The following CLCN6 variants were observed in gnomAD, a reference collection of about 807,000 sequenced individuals.
CLCN6 encodes the protein H(+)/Cl(-) exchange transporter 6.
In CLCN6, 70 loss-of-function variants were observed where a neutral mutation model predicts 109.8. That is an observed-to-expected ratio of 0.64 (90% CI 0.53 to 0.78). CLCN6 has a LOEUF of 0.78. Ranked by LOEUF, CLCN6 falls within the 30% of genes least tolerant of loss-of-function variation. The probability of loss-of-function intolerance (pLI) is 0.00; values close to 1 mark genes in which losing one functional copy is unlikely to be tolerated. For missense variants in CLCN6, 984 were observed against 1,142.3 expected (o/e 0.86, Z 2.00); for synonymous variants, 444 against 447.8 (o/e 0.99, Z 0.11).
At chr1:11,817,780 A>C (rs909025106) in intron 4 of CLCN6, among the ~76,000 whole-genome samples, 1 of 152,194 alleles carries the variant, frequency 6.6e-6, no homozygotes, top group Non-Finnish European at 1.5e-5. Context: ...TGTTCGGTAT[A>C]ATATAGCCAC....
chr1:11,826,775 AGTGATCGTGCC>A (rs1225734502), intron 9 of CLCN6, among the ~76,000 whole-genome samples: 5 of 152,206 alleles, frequency 3.3e-5, no homozygotes. Flanking sequence ...ATGGTGCAGC[AGTGATCGTGCC>A]GATCTTTGAT....
intron 5 of CLCN6, chr1:11,820,679 A>AC: frequency 3.6e-6 from 1 of 274,232 alleles, no homozygotes. Flanking sequence ...AGGCAGGAGA[A>AC]TGGCATGAAC....
rs1301753339 is a variant in CLCN6, at chr1:11,827,370, C to T, written c.840+149C>T. On this transcript the variant is annotated intron_variant, in intron 10 of 22. Coordinates refer to ENST00000346436, the MANE Select transcript of CLCN6 (RefSeq NM_001286.5). ...TCCTCTTGTGCCCATAACCTCCACA[C>T]TGGACTTTCTGTACTTCTCATATCA... The T allele has an allele frequency of 4.3e-6, 3 of 697,158 alleles. No individual in the cohort carries two copies. The African/African-American group carries it at 5.5e-5, about 13-fold the overall frequency. The allele number at this position is 697,158 out of a possible 1,614,324, so 43.2% of individuals were successfully genotyped here.
chr1:11,836,334 C>T (rs892594239), intron 18 of CLCN6, among the ~76,000 whole-genome samples, 181 bp downstream of exon 18: 2 of 152,078 alleles, frequency 1.3e-5, no homozygotes, highest in Non-Finnish European at 2.9e-5. Flanking sequence ...TTTATCAGGC[C>T]GTGAAGATGT....
In CLCN6 at chr1:11,836,023, G is replaced by T. The variant is rs1047108702; in HGVS notation, c.1850G>T (p.Arg617Leu). 4 of 1,613,686 alleles carry T rather than the reference G, an allele frequency of 2.5e-6. No individual in the cohort carries two copies. The highest frequency in any genetic ancestry group is 2.5e-6 in the Non-Finnish European group (3 of 1,179,940). The change falls in exon 18 of 23, where the codon CGC becomes CTC. Residue 617 changes from arginine to leucine, a missense_variant. By Grantham distance (102) the Arg-to-Leu change is moderately radical. Transcript: ENST00000346436. ...CTGACCTACGTCTACCCGCACACCC[G>T]CATCCAGTCTCTGGTGAGCATCCTG... ...PNLTYVYPHTRIQSLVSILRT... is the reference protein window; with the variant it reads ...PNLTYVYPHTLIQSLVSILRT...
chr1:11,807,642 G>A (rs1291257151), intron 2 of CLCN6, among the ~76,000 whole-genome samples: 1 of 152,224 alleles, frequency 6.6e-6, no homozygotes, highest in African/African-American at 2.4e-5. Context: ...CACCTTTCAT[G>A]TATGGGATTC....
At chr1:11,810,179 C>A (rs1644580182) in intron 2 of CLCN6, among the ~76,000 whole-genome samples, 1 of 152,168 alleles carries the variant, frequency 6.6e-6, no homozygotes, top group South Asian at 2.1e-4. Flanking sequence ...AGTGCCCCTT[C>A]TTCCTGTCTC....
intron 2 of CLCN6, 33 bp from the exon 3 acceptor site, chr1:11,815,813 A>C: frequency 1.3e-6 from 2 of 1,584,684 alleles, no homozygotes; most frequent in South Asian, 1.1e-5. Context: ...CTCACCTGAC[A>C]TGACCTTTTG....
chr1:11,808,763 C>T (rs571619488), intron 2 of CLCN6, among the ~76,000 whole-genome samples: 1 of 151,212 alleles, frequency 6.6e-6, no homozygotes, highest in African/African-American at 2.4e-5. Context: ...CATTTGGAGC[C>T]GTTTGTATAG....
Position 11,834,237 on chromosome 1 carries a change from T to C in CLCN6, c.1528T>C (p.Tyr510His). The C allele has an allele frequency of 6.2e-7, 1 of 1,611,676 alleles. No individual in the cohort carries two copies. The highest frequency in any genetic ancestry group is 1.1e-5 in the South Asian group (1 of 90,948). The change falls in exon 16 of 23, where the codon TAC (tyrosine) becomes CAC (histidine). Residue 510 changes from tyrosine (Y) to histidine (H), a missense_variant and splice_region_variant. Coordinates refer to ENST00000346436, the MANE Select transcript of CLCN6 (RefSeq NM_001286.5). This position sits in a 1 kb window ranked among gnomAD's most constrained non-coding sequence, Gnocchi z 4.5. ...GRLVANVLKS[Y>H]IGLGHIYSGT... ...GTTCTCGGTGTTTTCCTTCACTAGCTACATTGGATTGGGCCACATCTATTC... is the reference window on the plus strand; with the variant it reads ...GTTCTCGGTGTTTTCCTTCACTAGCCACATTGGATTGGGCCACATCTATTC...
At chr1:11,828,951 G>C (rs1289620690) in intron 12 of CLCN6, among the ~76,000 whole-genome samples, 1 of 152,216 alleles carries the variant, frequency 6.6e-6, no homozygotes, top group African/African-American at 2.4e-5. Flanking sequence ...ATAATGGAAA[G>C]CCATTCATTC....
chr1:11,841,011 C>G lies in CLCN6; in HGVS notation c.*788C>G. On this transcript the variant is annotated 3_prime_UTR_variant, in exon 23 of 23. Coordinates refer to ENST00000346436, the MANE Select transcript of CLCN6 (RefSeq NM_001286.5). ...CCAGTAACACGTTTCTACCCAGATC[C>G]TTTTTCATTTCCTTAAGTTTTGATC... 6.6e-6 allele frequency: 1 copy of G among 152,368 alleles called. No individual in the cohort carries two copies. The highest frequency in any genetic ancestry group is 1.9e-4 in the East Asian group (1 of 5,200). 9.4% of individuals were successfully genotyped at this position (152,368 alleles called of 1,614,324 possible).
rs1156765153 is a variant in CLCN6, at chr1:11,841,224, A to AGCAGATGGCCTATT, written c.*1002_*1015dup. On this transcript the variant is annotated 3_prime_UTR_variant, in exon 23 of 23. Coordinates refer to ENST00000346436, the MANE Select transcript of CLCN6 (RefSeq NM_001286.5). ...CACTGAAAGGTATGTGCTATGATAA[A>AGCAGATGGCCTATT]GCAGATGGCCTATTTGAGGAAGAGG... is the stretch of plus-strand genomic sequence containing the variant. The AGCAGATGGCCTATT allele has an allele frequency of 6.5e-6, 1 of 152,686 alleles. No homozygotes were observed. The highest frequency in any genetic ancestry group is 1.5e-5 in the Non-Finnish European group (1 of 68,062). The allele number at this position is 152,686 out of a possible 1,614,324, so 9.5% of individuals were successfully genotyped here.
chr1:11,836,790 TA>T (rs2100657895), intron 18 of CLCN6, among the ~76,000 whole-genome samples: 1 of 152,238 alleles, frequency 6.6e-6, no homozygotes, highest in South Asian at 2.1e-4. Context: ...CTTCCCAGAT[TA>T]AAGGAAACCA....
In CLCN6 at chr1:11,834,088, G is replaced by A; in HGVS notation, c.1526+58G>A. The A allele has an allele frequency of 6.2e-7, 1 of 1,600,320 alleles. No homozygotes were observed. Among genetic ancestry groups the A allele is most frequent in the Non-Finnish European group, 8.5e-7 (1 of 1,173,286 alleles). ...TGCATGTGTGTGCACGTGTGCGTGT[G>A]TATGCATGTGTGTGCGTGTGCGTGC... On this transcript the variant is annotated intron_variant, in intron 15 of 22. Transcript: ENST00000346436. This position sits in a 1 kb window ranked among gnomAD's most constrained non-coding sequence, Gnocchi z 4.5.
chr1:11,840,002 T>C, intron 22 of CLCN6, 141 bp from the exon 23 acceptor site: 1 of 729,152 alleles, frequency 1.4e-6, no homozygotes, highest in South Asian at 1.5e-5. Flanking sequence ...GTTAGCTGTT[T>C]ATCCCAATCA....
At position 11,842,020 on chromosome 1, in the gene CLCN6, G is replaced by A. The variant is rs1007510845; in HGVS notation, c.*1797G>A. 6.6e-6 allele frequency: 1 copy of A among 152,216 alleles called. No homozygotes were observed. Among genetic ancestry groups the A allele is most frequent in the Non-Finnish European group, 1.5e-5 (1 of 68,054 alleles). 9.4% of individuals were successfully genotyped at this position (152,216 alleles called of 1,614,324 possible). On this transcript the variant is annotated 3_prime_UTR_variant, in exon 23 of 23. Coordinates refer to ENST00000346436, the MANE Select transcript of CLCN6 (RefSeq NM_001286.5). ...TGGCCAGCTGCTGCTGTGTTTTATGGCAGTGTTCAGAGCTTGATCACGTTA... is the reference window on the plus strand; with the variant it reads ...TGGCCAGCTGCTGCTGTGTTTTATGACAGTGTTCAGAGCTTGATCACGTTA...
Position 11,840,365 on chromosome 1 carries a change from C to G in CLCN6, c.*142C>G. ...CAGAAAGCCGGGAGTCATCGGACAC[C>G]TTGCTGGTCAGAGGTCCTGGGGGTG... On this transcript the variant is annotated 3_prime_UTR_variant, in exon 23 of 23. Coordinates refer to ENST00000346436, the MANE Select transcript of CLCN6 (RefSeq NM_001286.5). 1 of 759,998 alleles carries G rather than the reference C, an allele frequency of 1.3e-6. No homozygotes were observed. The highest frequency in any genetic ancestry group is 2.3e-6 in the Non-Finnish European group (1 of 439,982). The allele number at this position is 759,998 out of a possible 1,614,324, so 47.1% of individuals were successfully genotyped here.
chr1:11,829,916 G>A (rs1644859149), intron 13 of CLCN6: 1 of 154,996 alleles, frequency 6.5e-6, no homozygotes, highest in Non-Finnish European at 1.4e-5. Flanking sequence ...TTGCCTGAAG[G>A]GGCCACAGCC....
Sources: gnomAD v4.1 joint callset for allele counts (sites outside exome capture counted in the v4.1 genomes callset) on GRCh38, gnomAD v4.1.1 for gene constraint, Gnocchi (gnomAD v3.1) non-coding constraint, MANE v1.5 for transcripts, NCBI Gene and HGNC (gene_info 2026-07-23, HGNC 2026-07-21) for gene names.